The following TRIM29 variants were observed in gnomAD, a reference collection of about 807,000 sequenced individuals.
TRIM29 encodes the protein tripartite motif-containing protein 29.
TRIM29 carries 52 observed loss-of-function variants against 57.3 expected under a neutral mutation model. The ratio of observed to expected loss-of-function variants is 0.91; its 90% CI spans 0.73 to 1.14. The LOEUF (loss-of-function observed/expected upper bound fraction) is 1.14, where lower values mean the gene tolerates loss of function less well. Among genes scored for constraint, TRIM29 ranks in the 50% most tolerant of loss-of-function variants. TRIM29 has a pLI of 0.00. For synonymous variants in TRIM29, 319 were observed against 316.9 expected (o/e 1.01, Z -0.07); for missense variants, 753 against 774.6 (o/e 0.97, Z 0.33).
chr11:120,131,254 C>T (rs575862606), intron 1 of TRIM29, among the ~76,000 whole-genome samples: 57 of 152,106 alleles, frequency 3.7e-4, no homozygotes, highest in African/African-American at 1.2e-3. Context: ...CCAAGACAGA[C>T]GAAGGAGATA....
intron 1 of TRIM29, among the ~76,000 whole-genome samples, chr11:120,134,882 G>T (rs1364622881): frequency 6.6e-6 from 1 of 152,200 alleles, no homozygotes; most frequent in African/African-American, 2.4e-5. Flanking sequence ...CACTGAGGGG[G>T]TGGCTAATAC....
At chr11:120,112,542 C>G in intron 8 of TRIM29, 66 bp from the exon 9 acceptor site, 1 of 1,555,124 alleles carries the variant, frequency 6.4e-7, no homozygotes, top group Non-Finnish European at 8.9e-7. Flanking sequence ...TAGACCCACC[C>G]TACCCTAACC....
At chr11:120,136,374 A>C (rs1323259086) in intron 1 of TRIM29, among the ~76,000 whole-genome samples, 1 of 152,248 alleles carries the variant, frequency 6.6e-6, no homozygotes, top group African/African-American at 2.4e-5. Flanking sequence ...ATTTTGTAAT[A>C]AAGTGTTGGA....
At chr11:120,128,298 G>A in intron 2 of TRIM29, 102 bp downstream of exon 2, 1 of 909,450 alleles carries the variant, frequency 1.1e-6, no homozygotes, top group Non-Finnish European at 1.7e-6. Flanking sequence ...ATATTGGGAT[G>A]TCTACGTGGG....
chr11:120,123,175 C>T, intron 4 of TRIM29, 120 bp from the exon 5 acceptor site: 1 of 727,214 alleles, frequency 1.4e-6, no homozygotes, highest in Non-Finnish European at 2.3e-6. Flanking sequence ...CCAGGCAGAT[C>T]CAAGTTTCCC....
At chr11:120,130,325 G>A (rs1045931983) in intron 1 of TRIM29, among the ~76,000 whole-genome samples, 14 of 152,194 alleles carry the variant, frequency 9.2e-5, no homozygotes, top group Admixed American at 2.0e-4. Flanking sequence ...ACCCAGCTCA[G>A]TGATGGAGGA....
In TRIM29 at chr11:120,112,337, C is replaced by G. The variant is rs1289478485; in HGVS notation, c.*77G>C. 1 of 1,570,226 alleles carries G rather than the reference C, an allele frequency of 6.4e-7. No individual in the cohort carries two copies. The highest frequency in any genetic ancestry group is 1.7e-5 in the Admixed American group (1 of 59,254). ...AGGCTCCCTCCCACCCAGACAAGCA[C>G]AGTAGCTTAGAAGGCAAGAGCAGCA... On this transcript the variant is annotated 3_prime_UTR_variant, in exon 9 of 9. Coordinates refer to ENST00000341846, the MANE Select transcript of TRIM29 (RefSeq NM_012101.4).
chr11:120,131,192 G>T (rs1466052711), intron 1 of TRIM29, among the ~76,000 whole-genome samples: 1 of 152,178 alleles, frequency 6.6e-6, no homozygotes, highest in Non-Finnish European at 1.5e-5. Context: ...GGGCTGCATG[G>T]TTGGGGCTGC....
intron 1 of TRIM29, among the ~76,000 whole-genome samples, chr11:120,129,403 A>G (rs1441541879): frequency 6.6e-6 from 1 of 152,192 alleles, no homozygotes. Flanking sequence ...CATGGACAAT[A>G]GGTGGATGAT....
intron 1 of TRIM29, among the ~76,000 whole-genome samples, chr11:120,131,176 A>G (rs2079967525): frequency 6.6e-6 from 1 of 152,156 alleles, no homozygotes; most frequent in Admixed American, 6.5e-5. Flanking sequence ...CAGGGAGACC[A>G]GGTGAGGGCT....
intron 2 of TRIM29, 27 bp from the exon 3 acceptor site, chr11:120,127,596 T>C: frequency 6.2e-7 from 1 of 1,601,480 alleles, no homozygotes; most frequent in Non-Finnish European, 8.5e-7. Flanking sequence ...AGGGAAGAGA[T>C]TAGGCAGGGC....
rs1221295927 is a variant in TRIM29 at position 120,137,645 on chromosome 11, C to T, written c.387G>A (p.Lys129=). 3 of 1,613,606 alleles carry T rather than the reference C, an allele frequency of 1.9e-6. No homozygotes were observed. Among genetic ancestry groups the T allele is most frequent in the Non-Finnish European group, 2.5e-6 (3 of 1,180,034 alleles). The change falls in exon 1 of 9, where the codon AAG becomes AAA. Residue 129 remains lysine (K), a synonymous_variant. Transcript: ENST00000341846. The surrounding 1 kb of genome is among the most constrained non-coding windows in gnomAD (Gnocchi z 6.2). ...GCTTCCGGGACTCCGAGAAAATGGA[C>T]TTGCGCAGCTCGCCCTTTTCGGCAA... ...VTFAEKGELR[K]SIFSESRKPT...
At chr11:120,133,003 C>T (rs1863748650) in intron 1 of TRIM29, among the ~76,000 whole-genome samples, 1 of 152,176 alleles carries the variant, frequency 6.6e-6, no homozygotes, top group African/African-American at 2.4e-5. Context: ...TTAGCACCCC[C>T]CTCAGTCTCC....
At chr11:120,128,595 AG>A in intron 1 of TRIM29, 100 bp from the exon 2 acceptor site, 1 of 1,505,534 alleles carries the variant, frequency 6.6e-7, no homozygotes, top group Non-Finnish European at 9.0e-7. Context: ...ACTCGCAGCC[AG>A]GGCTCATCAC....
intron 4 of TRIM29, chr11:120,123,854 C>A (rs1220670289): frequency 1.1e-5 from 3 of 269,074 alleles, no homozygotes; most frequent in Non-Finnish European, 2.2e-5. Context: ...AAACAAATGC[C>A]CTCCTAGGTG....
At chr11:120,129,076 T>G (rs760944840) in intron 1 of TRIM29, among the ~76,000 whole-genome samples, 1 of 152,098 alleles carries the variant, frequency 6.6e-6, no homozygotes, top group Non-Finnish European at 1.5e-5. Context: ...GACGGAGACT[T>G]TTACCCAGGG....
chr11:120,128,341 C>A lies in TRIM29; in HGVS notation c.900+59G>T, dbSNP rs547638938. ...CTCAAATGGGAGCCAAGGCCTGCGT[C>A]TTTCCAGGCAGGCCAGGTCGGGTAA... On this transcript the variant is annotated intron_variant, in intron 2 of 8. Coordinates refer to ENST00000341846, the MANE Select transcript of TRIM29 (RefSeq NM_012101.4). 5 of 1,513,746 alleles carry A rather than the reference C, an allele frequency of 3.3e-6. No individual in the cohort carries two copies. The Admixed American group carries it at 6.8e-5, about 21-fold the overall frequency. The allele number at this position is 1,513,746 out of a possible 1,614,324, so 93.8% of individuals were successfully genotyped here.
chr11:120,127,764 G>A (rs1029521691), intron 2 of TRIM29, among the ~76,000 whole-genome samples, 195 bp from the exon 3 acceptor site: 5 of 152,062 alleles, frequency 3.3e-5, no homozygotes, highest in African/African-American at 9.7e-5. Flanking sequence ...GAGATAGCCA[G>A]GTTTGTTCAC....
intron 6 of TRIM29, among the ~76,000 whole-genome samples, chr11:120,118,670 C>A (rs1863350350): frequency 6.6e-6 from 1 of 151,640 alleles, no homozygotes; most frequent in African/African-American, 2.4e-5. Context: ...CCCTCCACCA[C>A]TGGACATTCA....
Sources: gnomAD v4.1 joint callset for allele counts (sites outside exome capture counted in the v4.1 genomes callset) on GRCh38, gnomAD v4.1.1 for gene constraint, Gnocchi (gnomAD v3.1) non-coding constraint, MANE v1.5 for transcripts, NCBI Gene and HGNC (gene_info 2026-07-23, HGNC 2026-07-21) for gene names.